Variants in C12orf57 observed in about 807,000 individuals in gnomAD.
C12orf57 encodes the protein protein C10.
Under a neutral mutation model 11.3 loss-of-function variants are expected in C12orf57, and 14 were observed. The observed-to-expected ratio is 1.24, with a 90% CI of 0.82 to 1.94. C12orf57 has a LOEUF of 1.94. Ranked by LOEUF, C12orf57 falls within the 30% of genes most tolerant of loss-of-function variation. The probability of loss-of-function intolerance (pLI) is 0.00; values close to 1 mark genes in which losing one functional copy is unlikely to be tolerated. For synonymous variants in C12orf57, 100 were observed against 74.6 expected (o/e 1.34, Z -1.76); for missense variants, 229 against 172.4 (o/e 1.33, Z -1.84).
At chr12:6,944,425 G>A in intron 1 of C12orf57, 51 bp from the exon 2 acceptor site, 1 of 1,588,912 alleles carries the variant, frequency 6.3e-7, no homozygotes, top group Non-Finnish European at 8.6e-7. Context: ...CCCGCTGTCT[G>A]TTCTCCGACG....
At chr12:6,944,317 G>C (rs1945734400) in intron 1 of C12orf57, 144 bp downstream of exon 1, 3 of 1,574,986 alleles carry the variant, frequency 1.9e-6, no homozygotes, top group Middle Eastern at 2.2e-4. Flanking sequence ...GGGACGCCGG[G>C]TACCGTCCTT....
Position 6,944,513 on chromosome 12 carries a change from G to A in C12orf57, c.90G>A (p.Pro30=). Residue 30 remains proline, a synonymous_variant, in exon 2 of 3, where the codon CCG becomes CCA. Coordinates refer to ENST00000229281, the MANE Select transcript of C12orf57 (RefSeq NM_138425.4). ...LAEVIQAFSA[P]ENAVRMDEAR... The stretch of plus-strand genomic sequence containing the variant: ...AGGTGATCCAGGCGTTCTCCGCCCC[G>A]GAGAATGCAGTGCGCATGGACGAGG... 6.2e-7 allele frequency: 1 copy of A among 1,613,584 alleles called. No individual in the cohort carries two copies. The highest frequency in any genetic ancestry group is 8.5e-7 in the Non-Finnish European group (1 of 1,180,000).
chr12:6,945,740 A>G, intron 2 of C12orf57, 31 bp from the exon 3 acceptor site: 4 of 1,610,850 alleles, frequency 2.5e-6, no homozygotes, highest in Non-Finnish European at 3.4e-6. Flanking sequence ...GGTCCTTAGG[A>G]GAAGGGTTGA....
chr12:6,945,356 ATT>A (rs1179656425), intron 2 of C12orf57, among the ~76,000 whole-genome samples: 7 of 152,006 alleles, frequency 4.6e-5, no homozygotes, highest in African/African-American at 1.2e-4. Context: ...GTTTCAGCTA[ATT>A]TTTGTTTGGG....
intron 2 of C12orf57, chr12:6,944,908 A>G (rs1945761829): frequency 7.3e-6 from 10 of 1,366,150 alleles, no homozygotes. Flanking sequence ...GGGTTTTTTC[A>G]GATTTCGGAA....
intron 2 of C12orf57, chr12:6,944,854 G>A: frequency 1.4e-6 from 2 of 1,430,514 alleles, no homozygotes; most frequent in East Asian, 2.5e-5. Context: ...TACAGTAGAG[G>A]TTCTGTATCC....
At position 6,944,150 on chromosome 12, in the gene C12orf57, C is replaced by T. The variant is rs1401197297; in HGVS notation, c.29C>T (p.Ala10Val). 16 of 1,614,106 alleles carry T rather than the reference C, an allele frequency of 9.9e-6. No individual in the cohort carries two copies. Among genetic ancestry groups the T allele is most frequent in the African/African-American group, 1.3e-5 (1 of 74,934 alleles). ...GCGTCCGCCTCGACCCAACCGGCGG[C>T]CTTGAGCGCTGAGCAAGCAAAGGGT... MASASTQPA[A>V]LSAEQAKVVL... Residue 10 changes from alanine (A) to valine (V), a missense_variant, in exon 1 of 3, where the codon GCC becomes GTC. By Grantham distance (64) the Ala-to-Val change is moderately conservative. Coordinates refer to ENST00000229281, the MANE Select transcript of C12orf57 (RefSeq NM_138425.4).
rs782433856 is a variant in C12orf57 at position 6,944,265 on chromosome 12, G to A, written c.52+92G>A. 1.1e-5 allele frequency: 18 copies of A among 1,607,648 alleles called. No homozygotes were observed. The Admixed American group carries it at 1.3e-4, about 12-fold the overall frequency. Reference sequence around the variant, plus strand: ...TGGGGAGGATGCGGGCGGAGGATGTGGGGCGACAAACCTGGCTACGTCCGC... The same window carrying A: ...TGGGGAGGATGCGGGCGGAGGATGTAGGGCGACAAACCTGGCTACGTCCGC... On this transcript the variant is annotated intron_variant, in intron 1 of 2. Transcript: ENST00000229281.
In C12orf57 at chr12:6,945,976, G is replaced by C; in HGVS notation, c.*54G>C. The C allele has an allele frequency of 6.4e-7, 1 of 1,569,140 alleles. No individual in the cohort carries two copies. The highest frequency in any genetic ancestry group is 2.3e-5 in the East Asian group (1 of 43,066). On this transcript the variant is annotated 3_prime_UTR_variant, in exon 3 of 3. Transcript: ENST00000229281. The stretch of plus-strand genomic sequence containing the variant: ...GGGGAGGAAAGGCCTTGATGTTCCA[G>C]ACAATAATAAATGCGCCTGTGACTT...
chr12:6,945,391 G>A (rs937420695), intron 2 of C12orf57, among the ~76,000 whole-genome samples: 63 of 152,198 alleles, frequency 4.1e-4, no homozygotes, highest in African/African-American at 1.5e-3. Flanking sequence ...TTAAATTTTT[G>A]GTGAGATCCT....
In C12orf57 at chr12:6,944,049, C is replaced by G. The variant is rs375310246; in HGVS notation, c.-73C>G. The G allele has an allele frequency of 3.1e-6, 5 of 1,611,880 alleles. No homozygotes were observed. The South Asian group carries it at 3.3e-5, about 11-fold the overall frequency. The stretch of plus-strand genomic sequence containing the variant: ...TTTCCGCTCCCAGGGGCGTTGGGAA[C>G]GGTTGTAGGACGTGGCTCTTTATTC... On this transcript the variant is annotated 5_prime_UTR_variant, in exon 1 of 3. Transcript: ENST00000229281.
chr12:6,944,405 C>A, intron 1 of C12orf57, 71 bp from the exon 2 acceptor site: 1 of 1,569,626 alleles, frequency 6.4e-7, no homozygotes, highest in Non-Finnish European at 8.6e-7. Context: ...TCCTTGCGCT[C>A]TCCGCTGGGC....
rs781983331 is a variant in C12orf57, at chr12:6,944,152, T to C, written c.31T>C (p.Leu11=). The change falls in exon 1 of 3, where the codon TTG becomes CTG. Residue 11 remains leucine (L), a synonymous_variant. Coordinates refer to ENST00000229281, the MANE Select transcript of C12orf57 (RefSeq NM_138425.4). Reference sequence around the variant, plus strand: ...GTCCGCCTCGACCCAACCGGCGGCCTTGAGCGCTGAGCAAGCAAAGGGTGA... The same window carrying C: ...GTCCGCCTCGACCCAACCGGCGGCCCTGAGCGCTGAGCAAGCAAAGGGTGA... MASASTQPAA[L]SAEQAKVVLA... 3 of 1,614,238 alleles carry C rather than the reference T, an allele frequency of 1.9e-6. No homozygotes were observed. The highest frequency in any genetic ancestry group is 2.2e-5 in the East Asian group (1 of 44,884).
chr12:6,943,859 C>T (rs7965269), upstream of C12orf57: 319,022 of 936,706 alleles, frequency 0.34, 62,021 homozygotes, highest in African/African-American at 0.8. Context: ...GGCTTTCTGG[C>T]TTTTTACCGG....
intron 2 of C12orf57, 40 bp from the exon 3 acceptor site, chr12:6,945,731 G>T (rs1555146461): frequency 1.2e-6 from 2 of 1,607,734 alleles, no homozygotes. Context: ...AGGCACGCTG[G>T]TCCTTAGGAG....
At chr12:6,945,004 A>T (rs1945765059) in intron 2 of C12orf57, 1 of 561,236 alleles carries the variant, frequency 1.8e-6, no homozygotes, top group African/African-American at 1.9e-5. Flanking sequence ...CACCTTATGC[A>T]CATAGCCTGA....
At chr12:6,943,963 C>T (rs782224023), upstream of C12orf57, 657 of 1,540,038 alleles carry the variant, frequency 4.3e-4, 1 homozygote, top group African/African-American at 7.1e-3. Flanking sequence ...CAGTTGTAAG[C>T]TTGGGGTATG....
upstream of C12orf57, chr12:6,943,916 T>A: frequency 8.0e-7 from 1 of 1,243,562 alleles, no homozygotes. Flanking sequence ...TTGTTTTCAC[T>A]GTGCAAAAAT....
chr12:6,945,843 A>T lies in C12orf57; in HGVS notation c.302A>T (p.Lys101Met). Reference sequence around the variant, plus strand: ...CCTGAGATCGCCAGCCTGTCAGGCAAGCTGAAGGCGCTGTTTCTGCCGCCC... The same window carrying T: ...CCTGAGATCGCCAGCCTGTCAGGCATGCTGAAGGCGCTGTTTCTGCCGCCC... Reference protein sequence around the residue: ...QDPEIASLSGKLKALFLPPMT... With the variant: ...QDPEIASLSGMLKALFLPPMT... The change falls in exon 3 of 3, where the codon AAG becomes ATG. Residue 101 changes from lysine to methionine, a missense_variant. Physicochemically the swap from Lys to Met is moderately conservative, Grantham distance 95. Transcript: ENST00000229281. 6.2e-7 allele frequency: 1 copy of T among 1,613,894 alleles called. No individual in the cohort carries two copies. The highest frequency in any genetic ancestry group is 1.1e-5 in the South Asian group (1 of 90,988).
Sources: gnomAD v4.1 joint callset for allele counts (sites outside exome capture counted in the v4.1 genomes callset) on GRCh38, gnomAD v4.1.1 for gene constraint, MANE v1.5 for transcripts, NCBI Gene and HGNC (gene_info 2026-07-23, HGNC 2026-07-21) for gene names.